The following COL14A1 variants were observed in gnomAD, a reference collection of about 807,000 sequenced individuals.
The protein encoded by COL14A1 is collagen alpha-1(XIV) chain.
COL14A1 carries 136 observed loss-of-function variants against 230.3 expected under a neutral mutation model. The observed-to-expected ratio is 0.59, with a 90% confidence interval of 0.51 to 0.68. The LOEUF (loss-of-function observed/expected upper bound fraction) is 0.68, where lower values mean the gene tolerates loss of function less well. Among genes scored for constraint, COL14A1 ranks in the 30% least tolerant of loss-of-function variants. COL14A1 has a pLI of 0.00. For synonymous variants in COL14A1, 792 were observed against 784.1 expected (o/e 1.01, Z -0.17); for missense variants, 1,976 against 2,215.8 (o/e 0.89, Z 2.17).
intron 5 of COL14A1, among the ~76,000 whole-genome samples, chr8:120,170,776 C>T (rs1280044821): frequency 6.6e-6 from 1 of 151,922 alleles, no homozygotes; most frequent in East Asian, 1.9e-4. Flanking sequence ...ATTCAATATT[C>T]ACCTCAAGGA....
intron 45 of COL14A1, among the ~76,000 whole-genome samples, chr8:120,350,540 A>C (rs1822712071): frequency 6.6e-6 from 1 of 151,096 alleles, no homozygotes. Context: ...GGATGGAGGA[A>C]GATCTACCAA....
intron 14 of COL14A1, among the ~76,000 whole-genome samples, chr8:120,221,693 A>G (rs1817940389): frequency 2.6e-5 from 4 of 152,238 alleles, no homozygotes; most frequent in South Asian, 4.2e-4. Context: ...TATTTGTCAC[A>G]TATTTGAAAC....
intron 45 of COL14A1, among the ~76,000 whole-genome samples, chr8:120,346,576 AG>A (rs1822521462): frequency 6.6e-6 from 1 of 152,216 alleles, no homozygotes; most frequent in African/African-American, 2.4e-5. Flanking sequence ...TCATGCTAAC[AG>A]GCCTTGTGTA....
At chr8:120,259,460 T>C (rs1682496487) in intron 23 of COL14A1, among the ~76,000 whole-genome samples, 1 of 152,190 alleles carries the variant, frequency 6.6e-6, no homozygotes, top group Non-Finnish European at 1.5e-5. Context: ...AGGAAATTAG[T>C]CACCATTTGG....
At chr8:120,271,439 A>G (rs1819663123) in intron 26 of COL14A1, among the ~76,000 whole-genome samples, 1 of 151,708 alleles carries the variant, frequency 6.6e-6, no homozygotes, top group South Asian at 2.1e-4. Flanking sequence ...AAGCAAATAG[A>G]TTCACAAGGT....
intron 42 of COL14A1, among the ~76,000 whole-genome samples, chr8:120,335,531 C>G (rs1586875375): frequency 6.6e-6 from 1 of 152,296 alleles, no homozygotes; most frequent in African/African-American, 2.4e-5. Flanking sequence ...GGCGGCCAGA[C>G]TGGCATGACT....
At chr8:120,233,536 GCCTAGCCAGGTTT>G (rs1266472151) in intron 19 of COL14A1, among the ~76,000 whole-genome samples, 3 of 152,094 alleles carry the variant, frequency 2.0e-5, no homozygotes, top group Admixed American at 1.3e-4. Context: ...TTCTGCCTAT[GCCTAGCCAGGTTT>G]CCCAACACCA....
chr8:120,208,453 A>C (rs1410062356), intron 11 of COL14A1, 92 bp downstream of exon 11: 3 of 1,362,900 alleles, frequency 2.2e-6, no homozygotes, highest in Non-Finnish European at 3.0e-6. Context: ...TCATGTTGAT[A>C]GACATCCTGA....
intron 34 of COL14A1, 141 bp from the exon 35 acceptor site, chr8:120,297,367 CATT>C: frequency 2.6e-6 from 1 of 389,808 alleles, no homozygotes; most frequent in Non-Finnish European, 4.5e-6. Context: ...ATTAGTTTGA[CATT>C]GTTGGAGTTA....
At chr8:120,139,669 T>C (rs1265316394) in intron 1 of COL14A1, among the ~76,000 whole-genome samples, 3 of 152,152 alleles carry the variant, frequency 2.0e-5, no homozygotes, top group Non-Finnish European at 4.4e-5. Context: ...ATGCTACCAA[T>C]TAGAAATTTT....
intron 8 of COL14A1, 100 bp downstream of exon 8, chr8:120,199,666 C>T (rs1447663525): frequency 7.9e-7 from 1 of 1,258,294 alleles, no homozygotes; most frequent in African/African-American, 1.6e-5. Context: ...AGCCAGGAGA[C>T]CTGAGCACTT....
At chr8:120,129,816 C>T (rs1234054246) in intron 1 of COL14A1, among the ~76,000 whole-genome samples, 1 of 152,224 alleles carries the variant, frequency 6.6e-6, no homozygotes, top group Non-Finnish European at 1.5e-5. Context: ...GAGCTGTACA[C>T]ACATTAGCCC....
chr8:120,279,903 G>A, intron 28 of COL14A1, 32 bp from the exon 29 acceptor site: 1 of 1,606,674 alleles, frequency 6.2e-7, no homozygotes, highest in Non-Finnish European at 8.5e-7. Flanking sequence ...ACAATTTAAA[G>A]TAATCGGAAA....
chr8:120,332,025 T>C (rs1821886066), intron 40 of COL14A1, 116 bp from the exon 41 acceptor site: 2 of 833,530 alleles, frequency 2.4e-6, no homozygotes, highest in African/African-American at 1.7e-5. Flanking sequence ...GAATCCTTGG[T>C]AGTCCAGAGC....
At chr8:120,290,574 A>AC (rs1272516877) in intron 34 of COL14A1, among the ~76,000 whole-genome samples, 1 of 152,248 alleles carries the variant, frequency 6.6e-6, no homozygotes, top group African/African-American at 2.4e-5. Flanking sequence ...ATTATGAATT[A>AC]CTATTGTCTC....
intron 45 of COL14A1, among the ~76,000 whole-genome samples, chr8:120,364,201 G>A (rs2130378369): frequency 6.6e-6 from 1 of 152,144 alleles, no homozygotes. Context: ...AGAGATCTAC[G>A]ATGGGCCATG....
chr8:120,257,027 T>C (rs1172377154), intron 23 of COL14A1, among the ~76,000 whole-genome samples: 2 of 152,240 alleles, frequency 1.3e-5, no homozygotes, highest in South Asian at 2.1e-4. Context: ...TAAATGCTTT[T>C]AGTTTAGCAT....
rs1308661027 is a variant in COL14A1, at chr8:120,128,565, T to C, written c.-38+3225T>C. On this transcript the variant is annotated intron_variant, in intron 1 of 47. Transcript: ENST00000297848. ...GCATGGCCAACATGGCAAAACCCCA[T>C]CTCTACTAAAAATATAAAGATTAGC... Among the ~76,000 whole-genome samples the C allele has an allele frequency of 3.3e-5, 5 of 152,180 alleles. No homozygotes were observed. In the South Asian group the frequency reaches 1.0e-3, roughly 32 times the overall value.
At chr8:120,339,617 C>T (rs1396861489) in intron 42 of COL14A1, among the ~76,000 whole-genome samples, 1 of 152,122 alleles carries the variant, frequency 6.6e-6, no homozygotes, top group East Asian at 1.9e-4. Context: ...CTTGCAGGTC[C>T]AATGTCCTAC....
Sources: allele counts gnomAD v4.1 joint callset (sites outside exome capture counted in the v4.1 genomes callset), GRCh38; gene constraint gnomAD v4.1.1; transcripts MANE v1.5; gene names NCBI Gene and HGNC (gene_info 2026-07-23, HGNC 2026-07-21).